SIDT1: variants seen among roughly 807,000 people sequenced by gnomAD.
The protein encoded by SIDT1 is SID1 transmembrane family member 1.
In SIDT1, 101 loss-of-function variants were observed where a neutral mutation model predicts 107.5. The observed-to-expected ratio is 0.94, with a 90% CI of 0.80 to 1.11. The LOEUF is 1.11. Among genes scored for constraint, SIDT1 ranks in the 50% least tolerant of loss-of-function variants. SIDT1 has a pLI of 0.00. For missense variants in SIDT1, 1,076 were observed against 1,058.2 expected (o/e 1.02, Z -0.23); for synonymous variants, 395 against 398.2 (o/e 0.99, Z 0.10).
At position 113,569,138 on chromosome 3, in the gene SIDT1, C is replaced by CAAAA. The variant is rs780715523; in HGVS notation, c.515+1446_515+1449dup. On this transcript the variant is annotated intron_variant, in intron 3 of 24. Transcript: ENST00000264852. ...TGGGTGAAGGAGTGAGACTCCCTCT[C>CAAAA]AAAAAAAAAAAAAAAAAAAAAGGAA... Among the ~76,000 whole-genome samples the CAAAA allele has an allele frequency of 7.4e-3, 410 of 55,350 alleles. 15 individuals carry two copies. Among genetic ancestry groups the CAAAA allele is most frequent in the African/African-American group, 0.024 (344 of 14,454 alleles). 36.3% of individuals were successfully genotyped at this position (55,350 alleles called of 152,430 possible).
At chr3:113,612,466 A>G in intron 19 of SIDT1, 1 of 530,606 alleles carries the variant, frequency 1.9e-6, no homozygotes. Flanking sequence ...CCTGGTTGCA[A>G]ACACTTTACA....
At chr3:113,540,764 GT>G (rs1328033471) in intron 1 of SIDT1, among the ~76,000 whole-genome samples, 1 of 151,882 alleles carries the variant, frequency 6.6e-6, no homozygotes, top group Admixed American at 6.6e-5. Flanking sequence ...AAAATAAATT[GT>G]TTTTTTAAAC....
intron 1 of SIDT1, among the ~76,000 whole-genome samples, chr3:113,535,207 G>C (rs1937983502): frequency 6.6e-6 from 1 of 152,226 alleles, no homozygotes; most frequent in South Asian, 2.1e-4. Flanking sequence ...CCAGGAATTT[G>C]AGGCTGCAGT....
At chr3:113,632,061 T>C (rs111473517), downstream of SIDT1, among the ~76,000 whole-genome samples, 9 of 151,454 alleles carry the variant, frequency 5.9e-5, 1 homozygote, top group African/African-American at 2.2e-4. Flanking sequence ...AATAGCTGAC[T>C]TTTTTTTTAA....
chr3:113,627,552 C>G, intron 24 of SIDT1, 94 bp from the exon 25 acceptor site: 2 of 1,180,336 alleles, frequency 1.7e-6, no homozygotes, highest in African/African-American at 3.0e-5. Context: ...AGGGAACTAA[C>G]AGTTTCCAGT....
intron 3 of SIDT1, among the ~76,000 whole-genome samples, chr3:113,568,871 C>T (rs775330462): frequency 8.5e-5 from 13 of 152,100 alleles, no homozygotes; most frequent in African/African-American, 1.9e-4. Context: ...CGGTGGCTCA[C>T]GCCTGTGATC....
Position 113,601,679 on chromosome 3 carries a change from T to C in SIDT1, c.1117+20T>C. On this transcript the variant is annotated intron_variant, in intron 11 of 24. Coordinates refer to ENST00000264852, the MANE Select transcript of SIDT1 (RefSeq NM_017699.3). ...CAATAGGTATGTCCTACCAGGTCTG[T>C]TCATGAAAGTGTTTCCTAATTCTGC... The C allele has an allele frequency of 6.4e-7, 1 of 1,574,796 alleles. No homozygotes were observed. Among genetic ancestry groups the C allele is most frequent in the Non-Finnish European group, 8.7e-7 (1 of 1,149,204 alleles).
At chr3:113,627,158 G>A (rs77375711) in intron 24 of SIDT1, among the ~76,000 whole-genome samples, 5,211 of 152,206 alleles carry the variant, frequency 0.034, 112 homozygotes, top group Non-Finnish European at 0.049. Context: ...CTATCCAACA[G>A]GACTTTATTC....
In SIDT1 at chr3:113,612,152, G is replaced by T; in HGVS notation, c.1924G>T (p.Ala642Ser). The T allele has an allele frequency of 6.2e-7, 1 of 1,614,080 alleles. No individual in the cohort carries two copies. The highest frequency in any genetic ancestry group is 8.5e-7 in the Non-Finnish European group (1 of 1,179,992). The change falls in exon 19 of 25, where the codon GCC becomes TCC. Residue 642 changes from alanine (A) to serine (S), a missense_variant. Coordinates refer to ENST00000264852, the MANE Select transcript of SIDT1 (RefSeq NM_017699.3). Reference protein sequence around the residue: ...FSAIHVLASLALSTQIYYMGR... With the variant: ...FSAIHVLASLSLSTQIYYMGR... The stretch of plus-strand genomic sequence containing the variant: ...TGCAATCCACGTTCTGGCCTCGCTA[G>T]CCCTCAGCACCCAGATATATTATAT...
chr3:113,536,326 T>C (rs114784814), intron 1 of SIDT1, among the ~76,000 whole-genome samples: 4,586 of 152,292 alleles, frequency 0.03, 105 homozygotes, highest in African/African-American at 0.066. Flanking sequence ...GAGCAGAAGC[T>C]TGGACATGAC....
At chr3:113,543,360 T>C (rs1011458198) in intron 1 of SIDT1, among the ~76,000 whole-genome samples, 3 of 152,176 alleles carry the variant, frequency 2.0e-5, no homozygotes, top group Non-Finnish European at 4.4e-5. Context: ...CAGTTTTAAT[T>C]GCCGTTCTCA....
rs1049809459 is a variant in SIDT1, at chr3:113,567,460, G to A, written c.345-80G>A. 22 of 1,206,302 alleles carry A rather than the reference G, an allele frequency of 1.8e-5. No homozygotes were observed. The African/African-American group carries it at 2.5e-4, about 13-fold the overall frequency. 74.7% of individuals were successfully genotyped at this position (1,206,302 alleles called of 1,614,324 possible). The stretch of plus-strand genomic sequence containing the variant: ...ATGAATTTGGAGAGAAGCAAAATGA[G>A]ATAGGCTCCTTTCCCTGCTCATTCA... On this transcript the variant is annotated intron_variant, in intron 2 of 24. Transcript: ENST00000264852.
rs149859617 is a variant in SIDT1 at position 113,598,852 on chromosome 3, C to T, written c.1046-2736C>T. ...CTTAAAATAAGGAGCTTAGACCAGGCATGGTGGCTCACACCTGTAATCCCA... is the reference window on the plus strand; with the variant it reads ...CTTAAAATAAGGAGCTTAGACCAGGTATGGTGGCTCACACCTGTAATCCCA... On this transcript the variant is annotated intron_variant, in intron 10 of 24. Coordinates refer to ENST00000264852, the MANE Select transcript of SIDT1 (RefSeq NM_017699.3). Among the ~76,000 whole-genome samples, 114 of 152,336 alleles carry T rather than the reference C, an allele frequency of 7.5e-4. 1 individual carries two copies. Among genetic ancestry groups the T allele is most frequent in the African/African-American group, 2.2e-3 (93 of 41,566 alleles).
Position 113,619,871 on chromosome 3 carries a change from A to T in SIDT1, c.2090+145A>T, listed in dbSNP as rs548159050. 20 of 711,884 alleles carry T rather than the reference A, an allele frequency of 2.8e-5. No homozygotes were observed. In the South Asian group the frequency reaches 3.0e-4, roughly 11 times the overall value. The allele number at this position is 711,884 out of a possible 1,614,324, so 44.1% of individuals were successfully genotyped here. A position where few individuals can be genotyped will look rare whatever the true frequency, so the allele number is the denominator to read the frequency against. Reference sequence around the variant, plus strand: ...TTGTTCTAGAGACTCAAAAAAAGGTAGTAGGACATTCTCGTGTAGCAATTG... The same window carrying T: ...TTGTTCTAGAGACTCAAAAAAAGGTTGTAGGACATTCTCGTGTAGCAATTG... On this transcript the variant is annotated intron_variant, in intron 21 of 24. Transcript: ENST00000264852.
chr3:113,554,775 A>G (rs1940661811), intron 1 of SIDT1, among the ~76,000 whole-genome samples: 1 of 152,184 alleles, frequency 6.6e-6, no homozygotes, highest in Non-Finnish European at 1.5e-5. Context: ...GCGACAGAAG[A>G]TCAACACCAA....
chr3:113,630,742 A>T (rs1947085855), downstream of SIDT1, among the ~76,000 whole-genome samples: 1 of 152,142 alleles, frequency 6.6e-6, no homozygotes, highest in Non-Finnish European at 1.5e-5. Context: ...GCACACCTCC[A>T]TGATTCTACG....
chr3:113,624,010 G>C (rs1473962651), intron 23 of SIDT1, among the ~76,000 whole-genome samples: 1 of 152,150 alleles, frequency 6.6e-6, no homozygotes, highest in East Asian at 1.9e-4. Context: ...TGCTTAACGC[G>C]GTCAAAAGCC....
chr3:113,580,009 C>T (rs1489618055), intron 4 of SIDT1, among the ~76,000 whole-genome samples: 4 of 152,112 alleles, frequency 2.6e-5, no homozygotes, highest in African/African-American at 7.2e-5. Flanking sequence ...TCAGCCTGCC[C>T]GCAATTGTGA....
At chr3:113,543,379 C>G (rs1228335834) in intron 1 of SIDT1, among the ~76,000 whole-genome samples, 2 of 152,154 alleles carry the variant, frequency 1.3e-5, no homozygotes, top group African/African-American at 4.8e-5. Context: ...CAGATTGGCC[C>G]TGCAGTCTTC....
Sources: gnomAD v4.1 joint callset for allele counts (sites outside exome capture counted in the v4.1 genomes callset) on GRCh38, gnomAD v4.1.1 for gene constraint, MANE v1.5 for transcripts, NCBI Gene and HGNC (gene_info 2026-07-23, HGNC 2026-07-21) for gene names.